The following TTF2 variants were observed in gnomAD, a reference collection of about 807,000 sequenced individuals.
TTF2 encodes transcription termination factor 2, also known as RNA polymerase II termination factor.
A neutral mutation model predicts 142.4 loss-of-function variants in TTF2; 108 were observed. The ratio of observed to expected loss-of-function variants is 0.76; its 90% CI spans 0.65 to 0.89. TTF2 has a LOEUF of 0.89. TTF2 is among the 40% of genes least tolerant of loss of function. The probability of loss-of-function intolerance (pLI) is 0.00; values close to 1 mark genes in which losing one functional copy is unlikely to be tolerated. For synonymous variants in TTF2, 483 were observed against 506.2 expected (o/e 0.95, Z 0.61); for missense variants, 1,327 against 1,379.8 (o/e 0.96, Z 0.61).
chr1:117,095,439 T>TA, intron 19 of TTF2, 72 bp downstream of exon 19: 1 of 1,420,554 alleles, frequency 7.0e-7, no homozygotes, highest in Non-Finnish European at 9.9e-7. Flanking sequence ...CCAAGAGTTA[T>TA]AAATCAAGGA....
At chr1:117,062,330 G>A (rs34555183) in intron 2 of TTF2, 57 bp from the exon 3 acceptor site, 5 of 1,518,154 alleles carry the variant, frequency 3.3e-6, no homozygotes, top group Non-Finnish European at 4.5e-6. Context: ...TTTGACTTTA[G>A]GATATTGATC....
At position 117,079,831 on chromosome 1, in the gene TTF2, T is replaced by A. The variant is rs1647334313; in HGVS notation, c.1783+182T>A. Among the ~76,000 whole-genome samples the A allele has an allele frequency of 6.6e-6, 1 of 152,156 alleles. No individual in the cohort carries two copies. The highest frequency in any genetic ancestry group is 1.5e-5 in the Non-Finnish European group (1 of 68,020). ...GCAACTTGCTCAAGAATACACAGTTTAGGATCAAAGATGTTGGTTGCCAGC... is the reference window on the plus strand; with the variant it reads ...GCAACTTGCTCAAGAATACACAGTTAAGGATCAAAGATGTTGGTTGCCAGC... On this transcript the variant is annotated intron_variant, in intron 9 of 22. Transcript: ENST00000369466. This position sits in a 1 kb window ranked among gnomAD's most constrained non-coding sequence, Gnocchi z 4.2.
intron 15 of TTF2, among the ~76,000 whole-genome samples, 160 bp from the exon 16 acceptor site, chr1:117,091,168 A>G (rs1188647069): frequency 1.3e-5 from 2 of 152,198 alleles, no homozygotes; most frequent in Non-Finnish European, 2.9e-5. Context: ...GGTTTTTTAA[A>G]ATAACTGTTT....
At position 117,087,022 on chromosome 1, in the gene TTF2, G is replaced by A. The variant is rs903811013; in HGVS notation, c.2160+500G>A. Among the ~76,000 whole-genome samples, 1 of 152,114 alleles carries A rather than the reference G, an allele frequency of 6.6e-6. No individual in the cohort carries two copies. The highest frequency in any genetic ancestry group is 1.5e-5 in the Non-Finnish European group (1 of 68,022). On this transcript the variant is annotated intron_variant, in intron 12 of 22. Transcript: ENST00000369466. The surrounding 1 kb of genome is among the most constrained non-coding windows in gnomAD (Gnocchi z 4.8). ...TGAATACGTGATGGTCTTCTAGGGT[G>A]TCCAGGGCAGCCTCAGTTATGTGAT...
Position 117,076,369 on chromosome 1 carries a change from A to T in TTF2, c.1390+75A>T. 8.3e-7 allele frequency: 1 copy of T among 1,208,464 alleles called. No homozygotes were observed. Among genetic ancestry groups the T allele is most frequent in the South Asian group, 1.4e-5 (1 of 71,816 alleles). The allele number at this position is 1,208,464 out of a possible 1,614,324, so 74.9% of individuals were successfully genotyped here. A position where few individuals can be genotyped will look rare whatever the true frequency, so the allele number is the denominator to read the frequency against. The stretch of plus-strand genomic sequence containing the variant: ...AGACATTCGGGAAGCCCTTTTAATA[A>T]AGAATGTGTTGATTCATTCACTTTT... On this transcript the variant is annotated intron_variant, in intron 6 of 22. Coordinates refer to ENST00000369466, the MANE Select transcript of TTF2 (RefSeq NM_003594.4). This position sits in a 1 kb window ranked among gnomAD's most constrained non-coding sequence, Gnocchi z 4.6.
chr1:117,101,682 G>C lies in TTF2; in HGVS notation c.*158G>C. On this transcript the variant is annotated 3_prime_UTR_variant, in exon 23 of 23. Transcript: ENST00000369466. The surrounding 1 kb of genome is among the most constrained non-coding windows in gnomAD (Gnocchi z 5.9). ...AAAATGAGGCATAATCTTATCCCCA[G>C]AATTGAGGAGGGGTTGTGTTAACCA... The C allele has an allele frequency of 1.4e-6, 1 of 728,578 alleles. No individual in the cohort carries two copies. The highest frequency in any genetic ancestry group is 2.0e-6 in the Non-Finnish European group (1 of 497,714). The allele number at this position is 728,578 out of a possible 1,614,324, so 45.1% of individuals were successfully genotyped here. A position where few individuals can be genotyped will look rare whatever the true frequency, so the allele number is the denominator to read the frequency against.
At chr1:117,096,525 C>T (rs1649172528) in intron 20 of TTF2, among the ~76,000 whole-genome samples, 1 of 152,174 alleles carries the variant, frequency 6.6e-6, no homozygotes, top group African/African-American at 2.4e-5. Flanking sequence ...TTACAGGCTC[C>T]TGCCACCAAG....
rs879075906 is a variant in TTF2, at chr1:117,102,051, A to C, written c.*527A>C. On this transcript the variant is annotated 3_prime_UTR_variant, in exon 23 of 23. Transcript: ENST00000369466. The stretch of plus-strand genomic sequence containing the variant: ...TAGCTACTTGGGAGGCTGAGGCAGG[A>C]GGATCCCTTGAGTCCAGGAGGTTGA... 3 of 152,782 alleles carry C rather than the reference A, an allele frequency of 2.0e-5. No homozygotes were observed. The highest frequency in any genetic ancestry group is 7.2e-5 in the African/African-American group (3 of 41,572). The allele number at this position is 152,782 out of a possible 1,614,324, so 9.5% of individuals were successfully genotyped here. A position where few individuals can be genotyped will look rare whatever the true frequency, so the allele number is the denominator to read the frequency against.
chr1:117,104,175 C>A lies in TTF2; in HGVS notation c.*2651C>A, dbSNP rs939049235. ...TGAGAAGCAGTGGCTCCCAGGCCAG[C>A]AAGAATGTACAAACCTGGCTCTGCC... On this transcript the variant is annotated 3_prime_UTR_variant, in exon 23 of 23. Coordinates refer to ENST00000369466, the MANE Select transcript of TTF2 (RefSeq NM_003594.4). 5.9e-5 allele frequency: 9 copies of A among 152,178 alleles called. No individual in the cohort carries two copies. Among genetic ancestry groups the A allele is most frequent in the African/African-American group, 1.9e-4 (8 of 41,446 alleles). 9.4% of individuals were successfully genotyped at this position (152,178 alleles called of 1,614,324 possible).
At position 117,091,197 on chromosome 1, in the gene TTF2, C is replaced by A. The variant is rs1471620660; in HGVS notation, c.2589-131C>A. ...ACTGTTTCTTTTGCATTACCTTTGG[C>A]CATTGCTTCTTATGAGCTTGGCATC... is the stretch of plus-strand genomic sequence containing the variant. On this transcript the variant is annotated intron_variant, in intron 15 of 22. Coordinates refer to ENST00000369466, the MANE Select transcript of TTF2 (RefSeq NM_003594.4). The A allele has an allele frequency of 1.8e-5, 11 of 612,302 alleles. No individual in the cohort carries two copies. The South Asian group carries it at 3.3e-4, about 19-fold the overall frequency. The allele number at this position is 612,302 out of a possible 1,614,324, so 37.9% of individuals were successfully genotyped here. A position where few individuals can be genotyped will look rare whatever the true frequency, so the allele number is the denominator to read the frequency against.
chr1:117,090,143 AT>A lies in TTF2; in HGVS notation c.2435del (p.Leu812Ter). On this transcript the variant is annotated frameshift_variant, in exon 14 of 23. Transcript: ENST00000369466. LOFTEE classifies it high-confidence loss of function. The surrounding 1 kb of genome is among the most constrained non-coding windows in gnomAD (Gnocchi z 4.8). The stretch of plus-strand genomic sequence containing the variant: ...AAAGAAAGGAGGAGAACGGTTAAGT[AT>A]TTTAACCAAGAGCCTTTTGCTGAGG... ...GSKKGGERLS[I>X]LTKSLLLRRT... The A allele has an allele frequency of 6.2e-7, 1 of 1,614,138 alleles. No individual in the cohort carries two copies. Among genetic ancestry groups the A allele is most frequent in the Non-Finnish European group, 8.5e-7 (1 of 1,179,974 alleles).
chr1:117,071,636 A>T (rs560428812), intron 3 of TTF2, among the ~76,000 whole-genome samples: 2 of 152,270 alleles, frequency 1.3e-5, no homozygotes, highest in South Asian at 4.1e-4. Context: ...GACAAAATAT[A>T]TATTTTTAAA....
chr1:117,097,314 A>G lies in TTF2; in HGVS notation c.3187-37A>G. ...GAGACCGAGATGTGTTACGAGACCA[A>G]GTCTGTTTAAAGTTAATGTTGTGTT... On this transcript the variant is annotated intron_variant, in intron 20 of 22. Coordinates refer to ENST00000369466, the MANE Select transcript of TTF2 (RefSeq NM_003594.4). The surrounding 1 kb of genome is among the most constrained non-coding windows in gnomAD (Gnocchi z 4.1). 1.3e-6 allele frequency: 2 copies of G among 1,593,536 alleles called. No individual in the cohort carries two copies. Among genetic ancestry groups the G allele is most frequent in the Non-Finnish European group, 1.7e-6 (2 of 1,161,310 alleles).
chr1:117,069,932 C>T (rs1306151088), intron 3 of TTF2, among the ~76,000 whole-genome samples: 1 of 152,224 alleles, frequency 6.6e-6, no homozygotes, highest in Non-Finnish European at 1.5e-5. Context: ...AATAAACATA[C>T]TGCAGAAATT....
Position 117,079,543 on chromosome 1 carries a change from A to T in TTF2, c.1702-25A>T, listed in dbSNP as rs776631371. On this transcript the variant is annotated intron_variant, in intron 8 of 22. Coordinates refer to ENST00000369466, the MANE Select transcript of TTF2 (RefSeq NM_003594.4). The surrounding 1 kb of genome is among the most constrained non-coding windows in gnomAD (Gnocchi z 4.2). ...AGCCTCTCATTAGGAATTTATGCTT[A>T]GCATTTGGTTATTACCTTTGTCAGG... 2.5e-6 allele frequency: 4 copies of T among 1,612,690 alleles called. No individual in the cohort carries two copies. The South Asian group carries it at 4.4e-5, about 18-fold the overall frequency.
intron 2 of TTF2, among the ~76,000 whole-genome samples, 154 bp from the exon 3 acceptor site, chr1:117,062,233 A>G (rs75261221): frequency 0.048 from 7,266 of 152,302 alleles, 272 homozygotes; most frequent in South Asian, 0.16. Flanking sequence ...TCCCCAAAGG[A>G]ATGCCCATAG....
Position 117,076,221 on chromosome 1 carries a change from G to A in TTF2, c.1317G>A (p.Lys439=), listed in dbSNP as rs529812060. The change falls in exon 6 of 23, where the codon AAG becomes AAA. Residue 439 remains lysine, a synonymous_variant. Coordinates refer to ENST00000369466, the MANE Select transcript of TTF2 (RefSeq NM_003594.4). The surrounding 1 kb of genome is among the most constrained non-coding windows in gnomAD (Gnocchi z 4.6). ...ASVNIQALPD[K]GQKLIKQIQE... is the part of the protein sequence containing the mutation. The stretch of plus-strand genomic sequence containing the variant: ...TGAACATCCAGGCTCTTCCAGACAA[G>A]GGTCAGAAGTTGATCAAACAAATCC... 6.8e-6 allele frequency: 11 copies of A among 1,613,950 alleles called. 1 individual carries two copies. The South Asian group carries it at 1.1e-4, about 16-fold the overall frequency.
chr1:117,082,139 G>A lies in TTF2; in HGVS notation c.1903+192G>A, dbSNP rs77681038. 214 of 835,870 alleles carry A rather than the reference G, an allele frequency of 2.6e-4. 6 individuals carry two copies. In the South Asian group the frequency reaches 2.6e-3, roughly 10 times the overall value. 51.8% of individuals were successfully genotyped at this position (835,870 alleles called of 1,614,324 possible). The stretch of plus-strand genomic sequence containing the variant: ...CTAATTATAAGTGATCATTTTTTCC[G>A]TATAAATTTGCCTATAAACTAGGCA... On this transcript the variant is annotated intron_variant, in intron 10 of 22. Coordinates refer to ENST00000369466, the MANE Select transcript of TTF2 (RefSeq NM_003594.4).
chr1:117,096,956 G>T (rs1286129881), intron 20 of TTF2, among the ~76,000 whole-genome samples: 2 of 152,176 alleles, frequency 1.3e-5, no homozygotes, highest in Non-Finnish European at 2.9e-5. Context: ...AGATAATAAA[G>T]ATTTGGAAAG....
Sources: gnomAD v4.1 joint callset for allele counts (sites outside exome capture counted in the v4.1 genomes callset) on GRCh38, gnomAD v4.1.1 for gene constraint, Gnocchi (gnomAD v3.1) non-coding constraint, MANE v1.5 for transcripts, NCBI Gene and HGNC (gene_info 2026-07-23, HGNC 2026-07-21) for gene names.